The following PKD1L1 variants were observed in gnomAD, a reference collection of about 807,000 sequenced individuals.
PKD1L1 encodes polycystin-1-like protein 1.
A neutral mutation model predicts 323.4 loss-of-function variants in PKD1L1; 236 were observed. The observed-to-expected ratio is 0.73, with a 90% CI of 0.66 to 0.81. PKD1L1 has a LOEUF of 0.81. Among genes scored for constraint, PKD1L1 ranks in the 40% least tolerant of loss-of-function variants. The probability of loss-of-function intolerance (pLI) is 0.00; values close to 1 mark genes in which losing one functional copy is unlikely to be tolerated. For missense variants in PKD1L1, 3,320 were observed against 3,508.0 expected (o/e 0.95, Z 1.35); for synonymous variants, 1,344 against 1,335.0 (o/e 1.01, Z -0.15).
chr7:47,839,780 G>T lies in PKD1L1; in HGVS notation c.5553-118C>A. ...GGCCCACAGAGGGTGGATGGGACAT[G>T]TCAAAGGTGACTGACATGCAGAGTG... is the stretch of plus-strand genomic sequence containing the variant. On this transcript the variant is annotated intron_variant, in intron 35 of 56. Coordinates refer to ENST00000289672, the MANE Select transcript of PKD1L1 (RefSeq NM_138295.5). This position sits in a 1 kb window ranked among gnomAD's most constrained non-coding sequence, Gnocchi z 4.3. The T allele has an allele frequency of 2.0e-6, 2 of 986,472 alleles. No individual in the cohort carries two copies. Among genetic ancestry groups the T allele is most frequent in the Non-Finnish European group, 3.0e-6 (2 of 666,358 alleles). 61.1% of individuals were successfully genotyped at this position (986,472 alleles called of 1,614,324 possible). A position where few individuals can be genotyped will look rare whatever the true frequency, so the allele number is the denominator to read the frequency against.
intron 56 of PKD1L1, among the ~76,000 whole-genome samples, chr7:47,792,184 A>T (rs1454610414): frequency 2.0e-5 from 3 of 152,076 alleles, no homozygotes; most frequent in Non-Finnish European, 4.4e-5. Flanking sequence ...CTCCAGATAC[A>T]CTGTCTAACT....
rs867577410 is a variant in PKD1L1 at position 47,866,520 on chromosome 7, T to C, written c.3991A>G (p.Ser1331Gly). 19 of 1,614,108 alleles carry C rather than the reference T, an allele frequency of 1.2e-5. No homozygotes were observed. The highest frequency in any genetic ancestry group is 1.3e-5 in the African/African-American group (1 of 75,054). ...GTTTTGTCCTCCTTAGACAAACGAC[T>C]CAGGATTCTGGTGATCACAGTGATG... ...NYITVITRIL[S>G]RLSKEDKTAS... Residue 1331 changes from serine to glycine, a missense_variant, in exon 25 of 57, where the codon AGT (serine) becomes GGT (glycine). By Grantham distance (56) the Ser-to-Gly change is moderately conservative. Transcript: ENST00000289672.
chr7:47,837,459 C>G (rs1422734509), intron 36 of PKD1L1, among the ~76,000 whole-genome samples: 1 of 152,192 alleles, frequency 6.6e-6, no homozygotes, highest in Middle Eastern at 3.2e-3. Context: ...CTGGCACCTC[C>G]TGAGCTTTGG....
At chr7:47,952,473 C>A (rs917428873), upstream of PKD1L1, among the ~76,000 whole-genome samples, 1 of 152,190 alleles carries the variant, frequency 6.6e-6, no homozygotes, top group Admixed American at 6.5e-5. Flanking sequence ...AGTGAGCCTT[C>A]CCTGCCTCCA....
At chr7:47,935,558 T>C (rs1241492334) in intron 4 of PKD1L1, among the ~76,000 whole-genome samples, 3 of 152,180 alleles carry the variant, frequency 2.0e-5, no homozygotes, top group Non-Finnish European at 4.4e-5. Context: ...GAGACTGCAA[T>C]GGGGGGGAAC....
Position 47,775,159 on chromosome 7 carries a change from T to A in PKD1L1, c.8534A>T (p.Asp2845Val). Reference protein sequence around the residue: ...ISSYQAAEPADIKDF With the variant: ...ISSYQAAEPAVIKDF ...CCAGGCTCCTCAGAAGTCCTTGATG[T>A]CTGCTGGCTAAAAAGAAAAAATGAA... Residue 2845 changes from aspartate (D) to valine (V), a missense_variant, in exon 57 of 57, where the codon GAC becomes GTC. Coordinates refer to ENST00000289672, the MANE Select transcript of PKD1L1 (RefSeq NM_138295.5). The A allele has an allele frequency of 6.2e-7, 1 of 1,614,044 alleles. No homozygotes were observed. The highest frequency in any genetic ancestry group is 8.5e-7 in the Non-Finnish European group (1 of 1,179,972).
In PKD1L1 at chr7:47,925,409, G is replaced by GA. The variant is rs567182958; in HGVS notation, c.1060+3794dup. Among the ~76,000 whole-genome samples the GA allele has an allele frequency of 1.2e-3, 178 of 152,246 alleles. 4 individuals carry two copies. In the East Asian group the frequency reaches 0.029, roughly 25 times the overall value. On this transcript the variant is annotated intron_variant, in intron 7 of 56. Coordinates refer to ENST00000289672, the MANE Select transcript of PKD1L1 (RefSeq NM_138295.5). ...AAATACTTTTAAAGAAAGATGCACG[G>GA]AAAAAATGGACAGGAACAGGGCAGT...
chr7:47,807,507 C>G (rs1475799391), intron 52 of PKD1L1, among the ~76,000 whole-genome samples: 1 of 152,100 alleles, frequency 6.6e-6, no homozygotes, highest in South Asian at 2.1e-4. Context: ...GGGGCCCTGA[C>G]CACCCTCTAG....
intron 56 of PKD1L1, among the ~76,000 whole-genome samples, chr7:47,778,503 G>A (rs1490878068): frequency 6.6e-6 from 1 of 152,154 alleles, no homozygotes; most frequent in Non-Finnish European, 1.5e-5. Flanking sequence ...CATCAAGGAG[G>A]TATTATAGCC....
At chr7:47,888,843 T>C (rs1268807987) in intron 16 of PKD1L1, among the ~76,000 whole-genome samples, 2 of 152,152 alleles carry the variant, frequency 1.3e-5, no homozygotes. Context: ...TTTTTCATAA[T>C]ATCTCGGGGG....
In PKD1L1 at chr7:47,827,385, C is replaced by T; in HGVS notation, c.6819G>A (p.Arg2273=). Residue 2273 remains arginine (R), a synonymous_variant, in exon 45 of 57, where the codon AGG becomes AGA. Coordinates refer to ENST00000289672, the MANE Select transcript of PKD1L1 (RefSeq NM_138295.5). ...CCCGTGTGCGACTCTCTCTCCTCAT[C>T]CTCTGTCTGGTGCCCCTCAGCTGGG... The part of the protein sequence containing the change: ...SKAQLRGTRQ[R]MRRESRTRAA... 6.2e-7 allele frequency: 1 copy of T among 1,613,424 alleles called. No individual in the cohort carries two copies. The highest frequency in any genetic ancestry group is 8.5e-7 in the Non-Finnish European group (1 of 1,179,830).
intron 34 of PKD1L1, among the ~76,000 whole-genome samples, chr7:47,841,439 G>T (rs887613512): frequency 6.6e-6 from 1 of 152,130 alleles, no homozygotes; most frequent in Non-Finnish European, 1.5e-5. Context: ...TTGAGAGTTG[G>T]CATGACTGGT....
At position 47,808,358 on chromosome 7, in the gene PKD1L1, G is replaced by A. The variant is rs749887119; in HGVS notation, c.7716C>T (p.Tyr2572=). The A allele has an allele frequency of 6.2e-7, 1 of 1,614,160 alleles. No individual in the cohort carries two copies. Among genetic ancestry groups the A allele is most frequent in the Non-Finnish European group, 8.5e-7 (1 of 1,180,032 alleles). Residue 2572 remains tyrosine (Y), a synonymous_variant, in exon 52 of 57, where the codon TAC becomes TAT. Transcript: ENST00000289672. The part of the protein sequence containing the change: ...ELSVVGVSLT[Y]YAVSGHLVTL... ...TAACAAGGTGGCCGGAAACTGCATA[G>A]TAGGTGAGGCTCACTCCAACCACGG...
intron 14 of PKD1L1, among the ~76,000 whole-genome samples, chr7:47,897,609 G>A (rs986518723): frequency 5.3e-5 from 8 of 152,222 alleles, no homozygotes; most frequent in African/African-American, 1.7e-4. Context: ...CACCGTGAGT[G>A]CCTCTTGGAT....
intron 52 of PKD1L1, among the ~76,000 whole-genome samples, chr7:47,807,627 C>T (rs990537165): frequency 2.6e-5 from 4 of 152,162 alleles, no homozygotes; most frequent in African/African-American, 7.2e-5. Flanking sequence ...GGCAGCGTCC[C>T]ATGCTGTTGT....
chr7:47,900,442 T>C (rs1296375884), intron 13 of PKD1L1, among the ~76,000 whole-genome samples: 3 of 152,214 alleles, frequency 2.0e-5, no homozygotes, highest in African/African-American at 7.2e-5. Flanking sequence ...TTTGTAGTGA[T>C]AGAAAACCGG....
At chr7:47,814,043 T>G (rs753112999) in intron 47 of PKD1L1, 29 bp from the exon 48 acceptor site, 1 of 1,594,412 alleles carries the variant, frequency 6.3e-7, no homozygotes. Context: ...TGATGAGGAC[T>G]GGGTGTGCTG....
chr7:47,891,148 C>A (rs981677290), intron 15 of PKD1L1, among the ~76,000 whole-genome samples: 3 of 152,202 alleles, frequency 2.0e-5, no homozygotes, highest in African/African-American at 4.8e-5. Flanking sequence ...ATCATGACAG[C>A]TCCATGTGAC....
intron 45 of PKD1L1, among the ~76,000 whole-genome samples, chr7:47,822,132 A>G (rs1785154606): frequency 6.6e-6 from 1 of 152,110 alleles, no homozygotes; most frequent in African/African-American, 2.4e-5. Flanking sequence ...TCTGTCCCCA[A>G]ATATCATGCT....
Sources: gnomAD v4.1 joint callset for allele counts (sites outside exome capture counted in the v4.1 genomes callset) on GRCh38, gnomAD v4.1.1 for gene constraint, Gnocchi (gnomAD v3.1) non-coding constraint, MANE v1.5 for transcripts, NCBI Gene and HGNC (gene_info 2026-07-23, HGNC 2026-07-21) for gene names.